The following TENM4 variants were observed in gnomAD, a reference collection of about 807,000 sequenced individuals.
The protein encoded by TENM4 is teneurin transmembrane protein 4, also known as teneurin-4.
In TENM4, 82 loss-of-function variants were observed where a neutral mutation model predicts 243.3. The observed-to-expected ratio is 0.34, with a 90% CI of 0.28 to 0.40. The LOEUF (loss-of-function observed/expected upper bound fraction) is 0.40, where lower values mean the gene tolerates loss of function less well. TENM4 is among the 10% of genes least tolerant of loss of function. The pLI, the probability that TENM4 is intolerant of heterozygous loss-of-function variation, is 1.00. For missense variants in TENM4, 3,138 were observed against 3,673.3 expected (o/e 0.85, Z 3.77); for synonymous variants, 1,412 against 1,456.3 (o/e 0.97, Z 0.69).
chr11:79,274,168 C>T (rs1446705611), intron 2 of TENM4, among the ~76,000 whole-genome samples: 2 of 152,160 alleles, frequency 1.3e-5, no homozygotes, highest in African/African-American at 2.4e-5. Context: ...CTTGTAGGTG[C>T]CTGCAACATA....
chr11:79,233,948 A>C (rs1184907278), intron 2 of TENM4, among the ~76,000 whole-genome samples: 1 of 152,136 alleles, frequency 6.6e-6, no homozygotes, highest in African/African-American at 2.4e-5. Flanking sequence ...GTGTGAGGGG[A>C]AGCATGCAGT....
intron 6 of TENM4, among the ~76,000 whole-genome samples, chr11:78,973,082 T>C (rs1857578783): frequency 6.6e-6 from 1 of 152,390 alleles, no homozygotes; most frequent in East Asian, 1.9e-4. Context: ...ATTATGAAAC[T>C]TGGGTTGATT....
intron 9 of TENM4, among the ~76,000 whole-genome samples, chr11:78,873,234 A>G (rs1315439630): frequency 6.6e-6 from 1 of 152,118 alleles, no homozygotes; most frequent in Non-Finnish European, 1.5e-5. Flanking sequence ...TTGATTACAC[A>G]CAGACCCTTG....
chr11:78,796,745 A>G (rs1941379), intron 15 of TENM4, among the ~76,000 whole-genome samples: 21,086 of 152,144 alleles, frequency 0.14, 1,732 homozygotes, highest in East Asian at 0.42. Flanking sequence ...CAAATATCCT[A>G]AAAGCTAAGC....
At chr11:78,897,792 G>A (rs1024727547) in intron 7 of TENM4, among the ~76,000 whole-genome samples, 2 of 152,232 alleles carry the variant, frequency 1.3e-5, no homozygotes, top group Admixed American at 6.5e-5. Flanking sequence ...AAGGCACTGT[G>A]TGTGCCATTC....
intron 2 of TENM4, among the ~76,000 whole-genome samples, chr11:79,238,584 C>G (rs1301544871): frequency 1.3e-5 from 2 of 152,292 alleles, no homozygotes; most frequent in African/African-American, 4.8e-5. Flanking sequence ...ACACCACTGG[C>G]TTTCCTGGGC....
intron 6 of TENM4, among the ~76,000 whole-genome samples, chr11:79,046,370 G>A (rs1272644666): frequency 2.6e-5 from 4 of 152,154 alleles, no homozygotes; most frequent in Non-Finnish European, 5.9e-5. Context: ...CTTCTGAGGG[G>A]TGGGGAGTTA....
intron 1 of TENM4, among the ~76,000 whole-genome samples, chr11:79,391,898 C>T (rs1858241843): frequency 6.6e-6 from 1 of 152,162 alleles, no homozygotes; most frequent in African/African-American, 2.4e-5. Context: ...TCCTATTGTT[C>T]CCCTCCACCA....
intron 24 of TENM4, among the ~76,000 whole-genome samples, chr11:78,721,206 T>C (rs1859642315): frequency 6.6e-6 from 1 of 152,244 alleles, no homozygotes; most frequent in Admixed American, 6.5e-5. Flanking sequence ...TCCTTCTTCC[T>C]TGACAGATGT....
chr11:78,672,168 T>C lies in TENM4; in HGVS notation c.5658A>G (p.Thr1886=). 1 of 1,613,862 alleles carries C rather than the reference T, an allele frequency of 6.2e-7. No homozygotes were observed. Among genetic ancestry groups the C allele is most frequent in the Non-Finnish European group, 8.5e-7 (1 of 1,179,852 alleles). Residue 1886 remains threonine, a synonymous_variant, in exon 31 of 34, where the codon ACA becomes ACG. Transcript: ENST00000278550. ...CAGCAATGTAACCCCCAGGGGAGTA[T>C]GTCACGTTGACACCATTCAGCCTGC... is the stretch of plus-strand genomic sequence containing the variant. The part of the protein sequence containing the change: ...PSSRLNGVNV[T]YSPGGYIAGI...
chr11:78,933,747 GCATCC>G (rs1856722317), intron 6 of TENM4, among the ~76,000 whole-genome samples: 1 of 152,250 alleles, frequency 6.6e-6, no homozygotes, highest in Admixed American at 6.5e-5. Flanking sequence ...GTCTCACTCG[GCATCC>G]CAGGACCTCT....
intron 6 of TENM4, among the ~76,000 whole-genome samples, chr11:79,008,859 A>G (rs1858566498): frequency 6.6e-6 from 1 of 152,246 alleles, no homozygotes; most frequent in African/African-American, 2.4e-5. Context: ...AAAGGTGATC[A>G]GTTCACATTT....
intron 33 of TENM4, among the ~76,000 whole-genome samples, chr11:78,661,197 G>A (rs78036628): frequency 0.028 from 4,283 of 152,234 alleles, 203 homozygotes; most frequent in African/African-American, 0.098. Context: ...TTATTTTTGT[G>A]GAACTCCAAA....
chr11:79,139,028 ATTATATTTCTAT>A (rs1477556504), intron 4 of TENM4, among the ~76,000 whole-genome samples: 4 of 41,900 alleles, frequency 9.5e-5, no homozygotes, highest in East Asian at 4.3e-4. Flanking sequence ...ATAAATATAT[ATTATATTTCTAT>A]AAATATATAA....
chr11:78,750,695 C>A (rs533645634), intron 19 of TENM4, among the ~76,000 whole-genome samples: 1 of 152,284 alleles, frequency 6.6e-6, no homozygotes, highest in South Asian at 2.1e-4. Context: ...TTTATTCTAT[C>A]ATTCACTGTG....
chr11:79,226,913 C>T (rs989350944), intron 2 of TENM4, among the ~76,000 whole-genome samples: 9 of 152,154 alleles, frequency 5.9e-5, no homozygotes, highest in Non-Finnish European at 8.8e-5. Flanking sequence ...GGTGGGAGTG[C>T]GCAGGCTGAA....
chr11:79,347,261 T>C (rs922284020), intron 1 of TENM4, among the ~76,000 whole-genome samples: 1 of 152,126 alleles, frequency 6.6e-6, no homozygotes, highest in Non-Finnish European at 1.5e-5. Flanking sequence ...CTTACCCCCA[T>C]ACCCCACTAG....
At chr11:79,356,966 A>AT (rs1489045566) in intron 1 of TENM4, among the ~76,000 whole-genome samples, 1 of 152,070 alleles carries the variant, frequency 6.6e-6, no homozygotes, top group East Asian at 1.9e-4. Context: ...AGACCTCAGT[A>AT]TGCTGCTGGA....
At chr11:79,289,764 T>C (rs1856322269) in intron 2 of TENM4, among the ~76,000 whole-genome samples, 1 of 152,216 alleles carries the variant, frequency 6.6e-6, no homozygotes, top group Non-Finnish European at 1.5e-5. Context: ...TCTCTCTGCT[T>C]AGCTAATAGC....
Sources: gnomAD v4.1 joint callset for allele counts (sites outside exome capture counted in the v4.1 genomes callset) on GRCh38, gnomAD v4.1.1 for gene constraint, MANE v1.5 for transcripts, NCBI Gene and HGNC (gene_info 2026-07-23, HGNC 2026-07-21) for gene names.